The following MIA3 variants were observed in gnomAD, a reference collection of about 807,000 sequenced individuals.
MIA3 encodes transport and Golgi organization protein 1 homolog.
MIA3 carries 90 observed loss-of-function variants against 192.4 expected under a neutral mutation model. The observed-to-expected ratio is 0.47, with a 90% CI of 0.39 to 0.56. The LOEUF is 0.56. Ranked by LOEUF, MIA3 falls within the 20% of genes least tolerant of loss-of-function variation. The pLI is 0.00. For synonymous variants in MIA3, 740 were observed against 792.8 expected (o/e 0.93, Z 1.12); for missense variants, 2,123 against 2,269.4 (o/e 0.94, Z 1.31).
intron 6 of MIA3, chr1:222,644,631 G>T: frequency 1.3e-6 from 2 of 1,546,710 alleles, no homozygotes; most frequent in Non-Finnish European, 1.7e-6. Flanking sequence ...TGTCACAGGC[G>T]GGTGGATGAG....
chr1:222,630,159 G>A lies in MIA3; in HGVS notation c.2939G>A (p.Arg980His), dbSNP rs770426009. Reference sequence around the variant, plus strand: ...GAAAAAGTCCTAGATAAGGTCTTCCGTGCTTCTGAGTCACAAATTCTGAGC... The same window carrying A: ...GAAAAAGTCCTAGATAAGGTCTTCCATGCTTCTGAGTCACAAATTCTGAGC... ...NMEKVLDKVF[R>H]ASESQILSIA... The change falls in exon 4 of 28, where the codon CGT becomes CAT. Residue 980 changes from arginine to histidine, a missense_variant. Transcript: ENST00000344922. 95 of 1,614,098 alleles carry A rather than the reference G, an allele frequency of 5.9e-5. No homozygotes were observed. Among genetic ancestry groups the A allele is most frequent in the South Asian group, 9.9e-5 (9 of 91,086 alleles).
At chr1:222,639,573 GT>G (rs1172211628) in intron 6 of MIA3, among the ~76,000 whole-genome samples, 11 of 151,890 alleles carry the variant, frequency 7.2e-5, no homozygotes, top group African/African-American at 2.7e-4. Context: ...AGAATACAAA[GT>G]TTGTTTAACA....
intron 6 of MIA3, among the ~76,000 whole-genome samples, chr1:222,637,006 AG>A (rs35423678): frequency 6.6e-6 from 1 of 152,156 alleles, no homozygotes; most frequent in East Asian, 1.9e-4. Context: ...CTTTTCTCTC[AG>A]GGGTCACAAT....
At chr1:222,663,883 G>A in intron 26 of MIA3, 115 bp from the exon 27 acceptor site, 2 of 1,001,882 alleles carry the variant, frequency 2.0e-6, no homozygotes, top group Non-Finnish European at 3.0e-6. Context: ...CACTAATTCT[G>A]CTCTTTGGAC....
At chr1:222,640,519 G>GA (rs1375206741) in intron 6 of MIA3, among the ~76,000 whole-genome samples, 3 of 152,082 alleles carry the variant, frequency 2.0e-5, no homozygotes, top group South Asian at 4.1e-4. Flanking sequence ...ATGTACAAAG[G>GA]AAAGTCTTTT....
chr1:222,665,256 C>A, intron 27 of MIA3, 53 bp from the exon 28 acceptor site: 14 of 836,572 alleles, frequency 1.7e-5, no homozygotes, highest in Non-Finnish European at 2.4e-5. Context: ...CTGGCATTAT[C>A]TTAATTTAAA....
chr1:222,663,865 GTT>G (rs1664145005), intron 26 of MIA3, 131 bp from the exon 27 acceptor site: 4 of 839,708 alleles, frequency 4.8e-6, no homozygotes, highest in Non-Finnish European at 5.7e-6. Flanking sequence ...GAGGGGTAGA[GTT>G]TTTTGCACTA....
chr1:222,618,377 G>A, intron 1 of MIA3, 134 bp downstream of exon 1: 2 of 941,850 alleles, frequency 2.1e-6, no homozygotes, highest in Non-Finnish European at 2.8e-6. Flanking sequence ...CGGCCCGGGG[G>A]TCGCAGGCGG....
chr1:222,650,078 A>C (rs1057430645), intron 8 of MIA3: 1 of 533,362 alleles, frequency 1.9e-6, no homozygotes, highest in African/African-American at 1.9e-5. Flanking sequence ...ATCACCTTCC[A>C]CCAGGCCCCA....
chr1:222,627,282 C>T (rs1303741760), intron 3 of MIA3, among the ~76,000 whole-genome samples: 1 of 152,200 alleles, frequency 6.6e-6, no homozygotes, highest in African/African-American at 2.4e-5. Flanking sequence ...TCCTCTCCAG[C>T]AGGTCCCAAA....
At chr1:222,652,407 G>C (rs1275913475) in intron 13 of MIA3, 75 bp downstream of exon 13, 2 of 965,784 alleles carry the variant, frequency 2.1e-6, no homozygotes, top group Non-Finnish European at 3.3e-6. Context: ...CCTTTACTCA[G>C]ATCTATTTTT....
chr1:222,631,733 C>A (rs1662406194), intron 4 of MIA3, among the ~76,000 whole-genome samples: 1 of 152,184 alleles, frequency 6.6e-6, no homozygotes, highest in Non-Finnish European at 1.5e-5. Flanking sequence ...CGAAAGACAT[C>A]TCAGCAAGCT....
intron 3 of MIA3, among the ~76,000 whole-genome samples, chr1:222,626,156 G>A (rs551339911): frequency 3.2e-4 from 48 of 152,308 alleles, no homozygotes; most frequent in South Asian, 1.2e-3. Flanking sequence ...GCTGCAGAGC[G>A]TGCAAGCTGC....
At chr1:222,654,220 A>G (rs757234177) in intron 15 of MIA3, 23 bp from the exon 16 acceptor site, 1 of 1,608,504 alleles carries the variant, frequency 6.2e-7, no homozygotes, top group Admixed American at 1.7e-5. Context: ...AAAAGCAATG[A>G]AAGAAAGCCT....
chr1:222,626,405 T>G (rs190434871), intron 3 of MIA3, among the ~76,000 whole-genome samples: 6 of 152,218 alleles, frequency 3.9e-5, no homozygotes, highest in African/African-American at 1.4e-4. Context: ...ATTAAAAAAA[T>G]TGGCTCAGAA....
At chr1:222,637,601 TG>T (rs1180270836) in intron 6 of MIA3, among the ~76,000 whole-genome samples, 2 of 152,218 alleles carry the variant, frequency 1.3e-5, no homozygotes, top group Admixed American at 6.5e-5. Flanking sequence ...CAAAGGGTTT[TG>T]TTTTTTTCTG....
chr1:222,662,301 C>T lies in MIA3; in HGVS notation c.5231C>T (p.Ser1744Phe). 2.5e-6 allele frequency: 4 copies of T among 1,613,994 alleles called. No individual in the cohort carries two copies. The highest frequency in any genetic ancestry group is 3.4e-6 in the Non-Finnish European group (4 of 1,179,876). ...ATMMNSSSRGSSPTRVLDEGK... is the reference protein window; with the variant it reads ...ATMMNSSSRGFSPTRVLDEGK... Reference sequence around the variant, plus strand: ...ATGATGAACAGCAGCTCAAGAGGCTCTTCCCCTACCAGGGTACTCGATGAA... The same window carrying T: ...ATGATGAACAGCAGCTCAAGAGGCTTTTCCCCTACCAGGGTACTCGATGAA... Residue 1744 changes from serine (S) to phenylalanine (F), a missense_variant, in exon 26 of 28, where the codon TCT (serine) becomes TTT (phenylalanine). By Grantham distance (155) the Ser-to-Phe change is radical. Around this residue, in one of 3 missense-constraint regions of MIA3, gnomAD observed 762 missense variants for 856.4 expected, o/e 0.89. Transcript: ENST00000344922.
At chr1:222,635,776 C>G (rs1662597257) in intron 6 of MIA3, among the ~76,000 whole-genome samples, 1 of 152,136 alleles carries the variant, frequency 6.6e-6, no homozygotes, top group Non-Finnish European at 1.5e-5. Context: ...ACCTTAGAAG[C>G]TACTAGTCCA....
Position 222,654,711 on chromosome 1 carries a change from C to A in MIA3, c.4525C>A (p.Leu1509Met). Reference sequence around the variant, plus strand: ...CTCACTACAAGCTGCCAAAGCTGGACTGGAAGATGAATGCAAAACCTTGAG... The same window carrying A: ...CTCACTACAAGCTGCCAAAGCTGGAATGGAAGATGAATGCAAAACCTTGAG... ...RNSLQAAKAG[L>M]EDECKTLRQK... is the part of the protein sequence containing the mutation. Residue 1509 changes from leucine to methionine, a missense_variant, in exon 18 of 28, where the codon CTG becomes ATG. This residue lies in a region of MIA3 where 762 missense variants were observed against 856.4 expected (regional missense o/e 0.89). Coordinates refer to ENST00000344922, the MANE Select transcript of MIA3 (RefSeq NM_198551.4). 1 of 1,614,056 alleles carries A rather than the reference C, an allele frequency of 6.2e-7. No homozygotes were observed. The highest frequency in any genetic ancestry group is 8.5e-7 in the Non-Finnish European group (1 of 1,179,918).
Sources: allele counts gnomAD v4.1 joint callset (sites outside exome capture counted in the v4.1 genomes callset), GRCh38; gene constraint gnomAD v4.1.1; regional missense constraint gnomAD v4.1.1; transcripts MANE v1.5; gene names NCBI Gene and HGNC (gene_info 2026-07-23, HGNC 2026-07-21).